Variants in ITFG2 observed in about 807,000 individuals in gnomAD.
ITFG2 encodes integrin alpha FG-GAP repeat containing 2.
In ITFG2, 36 loss-of-function variants were observed where a neutral mutation model predicts 54.4. That is an observed-to-expected ratio of 0.66 (90% CI 0.51 to 0.87). ITFG2 has a LOEUF of 0.87. Among genes scored for constraint, ITFG2 ranks in the 40% least tolerant of loss-of-function variants. The pLI, the probability that ITFG2 is intolerant of heterozygous loss-of-function variation, is 0.00. For missense variants in ITFG2, 524 were observed against 576.7 expected (o/e 0.91, Z 0.94); for synonymous variants, 211 against 225.4 (o/e 0.94, Z 0.57).
chr12:2,859,592 A>C lies in ITFG2; in HGVS notation n.679A>C, dbSNP rs762768266. 1.9e-6 allele frequency: 3 copies of C among 1,613,528 alleles called. No individual in the cohort carries two copies. The African/African-American group carries it at 4.0e-5, about 22-fold the overall frequency. On this transcript the variant is annotated non_coding_transcript_exon_variant, in exon 4 of 4. Coordinates refer to the ITFG2 transcript ENST00000537710. Reference sequence around the variant, plus strand: ...GAAGCAAAGGAGAAAACCCTTCTCCAAACAGGAGTTTCTCCTCTTTCCCTG... The same window carrying C: ...GAAGCAAAGGAGAAAACCCTTCTCCCAACAGGAGTTTCTCCTCTTTCCCTG...
chr12:2,817,929 A>G lies in ITFG2; in HGVS notation c.213A>G (p.Gly71=), dbSNP rs1482035682. 6.2e-7 allele frequency: 1 copy of G among 1,613,796 alleles called. No homozygotes were observed. The highest frequency in any genetic ancestry group is 2.2e-5 in the East Asian group (1 of 44,876). The part of the protein sequence containing the change: ...CQGMLTCVGV[G]DVCNKGKNLL... ...TACAGCTGACTTGCGTTGGGGTTGG[A>G]GACGTGTGTAATAAAGGAAAGGTAA... is the stretch of plus-strand genomic sequence containing the variant. The change falls in exon 3 of 12, where the codon GGA becomes GGG. Residue 71 remains glycine (G), a synonymous_variant. Coordinates refer to ENST00000228799, the MANE Select transcript of ITFG2 (RefSeq NM_018463.4).
chr12:2,856,886 A>G lies in ITFG2; in HGVS notation n.301-1126A>G, dbSNP rs140422534. 1,347 of 699,860 alleles carry G rather than the reference A, an allele frequency of 1.9e-3. 15 individuals carry two copies. The African/African-American group carries it at 0.021, about 11-fold the overall frequency. 43.4% of individuals were successfully genotyped at this position (699,860 alleles called of 1,614,324 possible). A position where few individuals can be genotyped will look rare whatever the true frequency, so the allele number is the denominator to read the frequency against. On this transcript the variant is annotated intron_variant and non_coding_transcript_variant, in intron 2 of 3. Coordinates refer to the ITFG2 transcript ENST00000537710. ...TGCTGCCCAGAAGAAAGCCTGGCCC[A>G]CTATAAGGGACAGCCTGTAGCCCAG...
chr12:2,820,248 C>T (rs1170976411), intron 5 of ITFG2, 23 bp downstream of exon 5: 1 of 1,560,142 alleles, frequency 6.4e-7, no homozygotes, highest in Non-Finnish European at 8.7e-7. Context: ...CTCTGGGGAA[C>T]AAGGCCCCAG....
intron 1 of ITFG2, among the ~76,000 whole-genome samples, chr12:2,838,760 C>T (rs1319039951): frequency 6.6e-6 from 1 of 152,180 alleles, no homozygotes; most frequent in Non-Finnish European, 1.5e-5. Context: ...TTCTTGGTTT[C>T]TTCCTTTGTA....
intron 2 of ITFG2, chr12:2,849,161 A>G (rs1317905948): frequency 6.9e-7 from 1 of 1,441,092 alleles, no homozygotes; most frequent in Non-Finnish European, 9.1e-7. Context: ...CCTCTTGCTG[A>G]AGGAGCATTG....
At chr12:2,834,605 G>T (rs775734442), upstream of ITFG2, 1 of 1,538,712 alleles carries the variant, frequency 6.5e-7, no homozygotes, top group East Asian at 2.3e-5. Context: ...GAAGGAAAAG[G>T]CCAGGGGACG....
At position 2,812,715 on chromosome 12, in the gene ITFG2, G is replaced by A. The variant is rs753959209; in HGVS notation, c.-46G>A. 1.3e-6 allele frequency: 2 copies of A among 1,540,088 alleles called. No homozygotes were observed. Among genetic ancestry groups the A allele is most frequent in the African/African-American group, 1.4e-5 (1 of 73,746 alleles). On this transcript the variant is annotated 5_prime_UTR_variant, in exon 1 of 12. Coordinates refer to ENST00000228799, the MANE Select transcript of ITFG2 (RefSeq NM_018463.4). ...GGCGGCTGTCGCGACGGGGGTTCAG[G>A]GAATATTTACTGGGCCTCTCCGCTC... is the stretch of plus-strand genomic sequence containing the variant.
In ITFG2 at chr12:2,823,756, C is replaced by A; in HGVS notation, c.1067-14C>A. The A allele has an allele frequency of 1.3e-6, 2 of 1,531,316 alleles. No homozygotes were observed. Among genetic ancestry groups the A allele is most frequent in the Admixed American group, 2.0e-5 (1 of 48,786 alleles). 94.9% of individuals were successfully genotyped at this position (1,531,316 alleles called of 1,614,324 possible). On this transcript the variant is annotated splice_polypyrimidine_tract_variant and intron_variant, in intron 10 of 11. Transcript: ENST00000228799. Reference sequence around the variant, plus strand: ...AAACTTCCTGACCTTTATCTCCCTGCCAACATCTTCCAGGCCTGTACGCCT... The same window carrying A: ...AAACTTCCTGACCTTTATCTCCCTGACAACATCTTCCAGGCCTGTACGCCT...
intron 2 of ITFG2, chr12:2,857,666 A>G (rs1231809747): frequency 6.5e-6 from 1 of 153,586 alleles, no homozygotes; most frequent in Admixed American, 6.4e-5. Flanking sequence ...GACGCCAATA[A>G]ACCACAGAGC....
upstream of ITFG2, among the ~76,000 whole-genome samples, chr12:2,836,091 C>G (rs1644742778): frequency 6.6e-6 from 1 of 152,204 alleles, no homozygotes; most frequent in African/African-American, 2.4e-5. Context: ...TTGCACACAT[C>G]TCCTGGGGCA....
rs199510667 is a variant in ITFG2 at position 2,849,549 on chromosome 12, G to C, written n.301-8463G>C. ...ACCTGTTGGGAGAAGGGTATGGAGA[G>C]AACAGAGAGATCAAAGAAGAGATCC... is the stretch of plus-strand genomic sequence containing the variant. On this transcript the variant is annotated intron_variant and non_coding_transcript_variant, in intron 2 of 3. Coordinates refer to the ITFG2 transcript ENST00000537710. 1.6e-5 allele frequency: 24 copies of C among 1,535,578 alleles called. No homozygotes were observed. The Admixed American group carries it at 1.6e-4, about 10-fold the overall frequency.
At chr12:2,827,143 G>T, downstream of ITFG2, 1 of 1,609,328 alleles carries the variant, frequency 6.2e-7, no homozygotes. The surrounding 1 kb of genome is among the most constrained non-coding windows in gnomAD (Gnocchi z 4.0). Context: ...AAGAGCCCCC[G>T]TTCCCCACAC....
chr12:2,830,925 A>C, downstream of ITFG2: 1 of 1,556,944 alleles, frequency 6.4e-7, no homozygotes, highest in Non-Finnish European at 8.7e-7. Context: ...CTGCTCAGTT[A>C]CCCCACTTAG....
chr12:2,849,929 G>A (rs1448830266), intron 2 of ITFG2, among the ~76,000 whole-genome samples: 1 of 152,182 alleles, frequency 6.6e-6, no homozygotes, highest in Non-Finnish European at 1.5e-5. Flanking sequence ...GCGGTATTGG[G>A]TCGAACAGTA....
intron 2 of ITFG2, chr12:2,855,378 G>C (rs908261576): frequency 7.9e-6 from 12 of 1,524,430 alleles, no homozygotes; most frequent in African/African-American, 1.4e-5. Flanking sequence ...CCCAGGACTC[G>C]CTGGGGAGGA....
At chr12:2,828,216 T>C (rs2097979630), downstream of ITFG2, 1 of 1,175,850 alleles carries the variant, frequency 8.5e-7, no homozygotes, top group Admixed American at 2.1e-5. Context: ...TTTTGTTAAA[T>C]AACAGCTTTA....
At chr12:2,841,654 A>C (rs931720533) in intron 2 of ITFG2, among the ~76,000 whole-genome samples, 3 of 152,218 alleles carry the variant, frequency 2.0e-5, no homozygotes, top group Non-Finnish European at 2.9e-5. Context: ...TTTTGAAAAC[A>C]ATACAAAAAC....
intron 3 of ITFG2, chr12:2,859,115 C>T (rs769587730): frequency 4.1e-5 from 66 of 1,605,382 alleles, no homozygotes; most frequent in South Asian, 1.9e-4. Context: ...AGATGGGCAG[C>T]GTTTCCTTAA....
chr12:2,827,482 G>A, downstream of ITFG2: 2 of 1,536,866 alleles, frequency 1.3e-6, no homozygotes, highest in Non-Finnish European at 1.7e-6. This position sits in a 1 kb window ranked among gnomAD's most constrained non-coding sequence, Gnocchi z 4.0. Context: ...TCACTTGGTG[G>A]TAAGTAAGGA....
Sources: allele counts gnomAD v4.1 joint callset (sites outside exome capture counted in the v4.1 genomes callset), GRCh38; gene constraint gnomAD v4.1.1; non-coding constraint Gnocchi (gnomAD v3.1); transcripts MANE v1.5; gene names NCBI Gene and HGNC (gene_info 2026-07-23, HGNC 2026-07-21).